GSDMC: variants seen among roughly 807,000 people sequenced by gnomAD.
GSDMC encodes gasdermin-C.
Under a neutral mutation model 58.0 loss-of-function variants are expected in GSDMC, and 59 were observed. That is an observed-to-expected ratio of 1.02 (90% confidence interval 0.82 to 1.26). The LOEUF is 1.26. GSDMC is among the 50% of genes most tolerant of loss of function. The pLI is 0.00. For missense variants in GSDMC, 659 were observed against 598.5 expected (o/e 1.10, Z -1.06); for synonymous variants, 241 against 220.2 (o/e 1.09, Z -0.83).
chr8:129,739,848 C>G, the GSDMC span, among the ~76,000 whole-genome samples: 1 of 152,106 alleles, frequency 6.6e-6, no homozygotes, highest in East Asian at 1.9e-4. Flanking sequence ...AAAACAGACT[C>G]AGGCATGTCC....
chr8:129,777,358 C>A lies in GSDMC; in HGVS notation c.220+10G>T. Reference sequence around the variant, plus strand: ...CACCCCTCACCTCCTTGGCCTCTGGCTGACAATACCTAGGACTGAAGAACT... The same window carrying A: ...CACCCCTCACCTCCTTGGCCTCTGGATGACAATACCTAGGACTGAAGAACT... On this transcript the variant is annotated intron_variant, in intron 2 of 13. Coordinates refer to ENST00000276708, the MANE Select transcript of GSDMC (RefSeq NM_031415.3). 1 of 1,567,180 alleles carries A rather than the reference C, an allele frequency of 6.4e-7. No homozygotes were observed. Among genetic ancestry groups the A allele is most frequent in the South Asian group, 1.1e-5 (1 of 90,102 alleles).
the GSDMC span, among the ~76,000 whole-genome samples, chr8:129,714,210 G>T: frequency 6.6e-6 from 1 of 152,136 alleles, no homozygotes; most frequent in South Asian, 2.1e-4. Context: ...CTCAGGTAAA[G>T]GTTGGATCCA....
chr8:129,729,418 A>G, the GSDMC span: 9 of 352,894 alleles, frequency 2.6e-5, no homozygotes, highest in Non-Finnish European at 3.7e-5. Flanking sequence ...CCATTAACTC[A>G]TCATTTACAT....
At chr8:129,728,960 G>C in the GSDMC span, 1 of 668,862 alleles carries the variant, frequency 1.5e-6, no homozygotes, top group Non-Finnish European at 2.8e-6. Flanking sequence ...TCAAGCTGCT[G>C]AACGAGAAGG....
intron 10 of GSDMC, among the ~76,000 whole-genome samples, 178 bp downstream of exon 10, chr8:129,751,364 G>A (rs571827285): frequency 1.9e-4 from 29 of 152,158 alleles, no homozygotes; most frequent in East Asian, 7.7e-4. Flanking sequence ...TAACTTTCAG[G>A]TTCAAAATAA....
chr8:129,783,878 T>A (rs2034484488), intron 1 of GSDMC, among the ~76,000 whole-genome samples: 1 of 152,114 alleles, frequency 6.6e-6, no homozygotes, highest in Admixed American at 6.5e-5. Flanking sequence ...AGCATGGTAC[T>A]GGCATGAAAA....
At chr8:129,706,156 G>A in the GSDMC span, among the ~76,000 whole-genome samples, 2 of 152,146 alleles carry the variant, frequency 1.3e-5, no homozygotes, top group African/African-American at 4.8e-5. Context: ...TAGAGGAATT[G>A]AAACTGGTTG....
chr8:129,751,446 C>A (rs1380211464), intron 10 of GSDMC, 96 bp downstream of exon 10: 2 of 939,758 alleles, frequency 2.1e-6, no homozygotes, highest in Non-Finnish European at 3.3e-6. Context: ...TGGAAGTGGA[C>A]CTCAGTTTCT....
downstream of GSDMC, chr8:129,748,186 C>T (rs1026093765): frequency 1.9e-4 from 35 of 187,806 alleles, no homozygotes; most frequent in Non-Finnish European, 3.5e-4. Context: ...TCAAAATGCA[C>T]ACCATTAACT....
At chr8:129,715,817 A>G in the GSDMC span, among the ~76,000 whole-genome samples, 1 of 152,198 alleles carries the variant, frequency 6.6e-6, no homozygotes, top group Non-Finnish European at 1.5e-5. Context: ...ATCTTTAAAC[A>G]AACTAATCTG....
intron 3 of GSDMC, among the ~76,000 whole-genome samples, chr8:129,772,631 A>G (rs925710259): frequency 2.0e-5 from 3 of 152,206 alleles, no homozygotes; most frequent in Non-Finnish European, 4.4e-5. Flanking sequence ...ATCAGTAATC[A>G]AAAAAGCTCC....
At chr8:129,709,044 C>T in the GSDMC span, among the ~76,000 whole-genome samples, 1 of 152,190 alleles carries the variant, frequency 6.6e-6, no homozygotes, top group African/African-American at 2.4e-5. Flanking sequence ...CCTTACACGT[C>T]CCCCTTCATT....
chr8:129,771,820 A>T lies in GSDMC; in HGVS notation c.404+4282T>A, dbSNP rs185337165. 3.5e-4 allele frequency among the ~76,000 whole-genome samples: 54 copies of T among 152,368 alleles called. No homozygotes were observed. In the South Asian group the frequency reaches 7.2e-3, roughly 20 times the overall value. ...AAGAAATCAAAAGGGAATTCAAAAA[A>T]TATCTGAGACAAACAAAAGTGAAAA... On this transcript the variant is annotated intron_variant, in intron 3 of 13. Coordinates refer to ENST00000276708, the MANE Select transcript of GSDMC (RefSeq NM_031415.3).
In GSDMC at chr8:129,765,807, G is replaced by T. The variant is rs770316036; in HGVS notation, c.405-14C>A. On this transcript the variant is annotated splice_polypyrimidine_tract_variant and intron_variant, in intron 3 of 13. Coordinates refer to ENST00000276708, the MANE Select transcript of GSDMC (RefSeq NM_031415.3). ...TCCAACAGTTTCCTGGGGATTTAAG[G>T]AAGGAGGACAAGAGTCAGAGTGGGA... 1.2e-6 allele frequency: 2 copies of T among 1,611,094 alleles called. No homozygotes were observed. Among genetic ancestry groups the T allele is most frequent in the Admixed American group, 3.3e-5 (2 of 59,812 alleles).
At chr8:129,727,889 G>C in the GSDMC span, among the ~76,000 whole-genome samples, 1 of 151,980 alleles carries the variant, frequency 6.6e-6, no homozygotes, top group Non-Finnish European at 1.5e-5. Flanking sequence ...GCAGTTTTAT[G>C]TGGGCAGCAA....
At chr8:129,730,845 A>C in the GSDMC span, among the ~76,000 whole-genome samples, 2 of 152,196 alleles carry the variant, frequency 1.3e-5, no homozygotes, top group African/African-American at 4.8e-5. Context: ...TAAACCCATC[A>C]TAAAGTCAAA....
the GSDMC span, among the ~76,000 whole-genome samples, chr8:129,719,897 A>G: frequency 6.6e-6 from 1 of 152,220 alleles, no homozygotes; most frequent in Non-Finnish European, 1.5e-5. Context: ...GTGAGCCAGT[A>G]TCACTTCACT....
At chr8:129,742,134 G>T in the GSDMC span, among the ~76,000 whole-genome samples, 1 of 151,802 alleles carries the variant, frequency 6.6e-6, no homozygotes. Flanking sequence ...CAGATACTAG[G>T]GCGGGACTAA....
chr8:129,777,202 T>G (rs749077516), intron 2 of GSDMC, among the ~76,000 whole-genome samples, 166 bp downstream of exon 2: 3 of 152,200 alleles, frequency 2.0e-5, no homozygotes, highest in Non-Finnish European at 2.9e-5. Context: ...ATCCAGATAA[T>G]TGGTAGGATT....
Sources: gnomAD v4.1 joint callset for allele counts (sites outside exome capture counted in the v4.1 genomes callset) on GRCh38, gnomAD v4.1.1 for gene constraint, MANE v1.5 for transcripts, NCBI Gene and HGNC (gene_info 2026-07-23, HGNC 2026-07-21) for gene names.